The following IKBKB-DT variants were observed in gnomAD, a reference collection of about 807,000 sequenced individuals.
IKBKB-DT encodes IKBKB antisense RNA.
chr8:42,237,448 G>A (rs1806939505), intron 3 of IKBKB-DT, among the ~76,000 whole-genome samples: 1 of 152,040 alleles, frequency 6.6e-6, no homozygotes, highest in African/African-American at 2.4e-5. Flanking sequence ...ACTCTGAAAG[G>A]GAGGGGTATA....
rs1297905327 is a variant in IKBKB-DT, at chr8:42,254,485, G to A, written n.1529+8844C>T. Among the ~76,000 whole-genome samples, 2 of 149,280 alleles carry A rather than the reference G, an allele frequency of 1.3e-5. 1 individual carries two copies. Among genetic ancestry groups the A allele is most frequent in the South Asian group, 4.3e-4 (2 of 4,678 alleles). On this transcript the variant is annotated intron_variant and non_coding_transcript_variant, in intron 3 of 3. Coordinates refer to ENST00000518213, the Ensembl canonical transcript of IKBKB-DT. ...GCCCACCATCTGGGATGTGAGGAGT[G>A]CCTCTGCCCAGCTGCCAACCATCTG...
At chr8:42,246,639 T>C (rs1384441696) in intron 3 of IKBKB-DT, among the ~76,000 whole-genome samples, 3 of 152,200 alleles carry the variant, frequency 2.0e-5, no homozygotes, top group Non-Finnish European at 4.4e-5. Flanking sequence ...TTCTTGATCT[T>C]GTTGCATAAA....
chr8:42,245,125 C>T (rs990383900), intron 3 of IKBKB-DT, among the ~76,000 whole-genome samples: 12 of 151,770 alleles, frequency 7.9e-5, no homozygotes, highest in African/African-American at 2.9e-4. Flanking sequence ...CGTGGTGGCA[C>T]GTGCCTGCAG....
chr8:42,269,560 C>CGGGAA (rs1018541867), intron 1 of IKBKB-DT, among the ~76,000 whole-genome samples: 5 of 92,608 alleles, frequency 5.4e-5, no homozygotes, highest in East Asian at 7.5e-4. Context: ...ACCAAGTAGC[C>CGGGAA]GGGAAGGGAA....
rs190918949 is a variant in IKBKB-DT, at chr8:42,247,703, C to T, written n.1530-13844G>A. 9.9e-5 allele frequency among the ~76,000 whole-genome samples: 15 copies of T among 152,282 alleles called. No homozygotes were observed. In the East Asian group the frequency reaches 2.9e-3, roughly 29 times the overall value. On this transcript the variant is annotated intron_variant and non_coding_transcript_variant, in intron 3 of 3. Transcript: ENST00000518213. ...GGATCATGGGGGCAGTTTCCTCATG[C>T]TGTTCCCATGATAGTGAGGGAGTTC...
At position 42,264,010 on chromosome 8, in the gene IKBKB-DT, C is replaced by A. The variant is rs183228563; in HGVS notation, n.1386-538G>T. ...TATTTTTAGTAGAGATGGGGTTTCA[C>A]CATGTTGGCCAGGCTGGTTTCGAAC... On this transcript the variant is annotated intron_variant and non_coding_transcript_variant, in intron 2 of 3. Transcript: ENST00000518213. Among the ~76,000 whole-genome samples, 75 of 151,946 alleles carry A rather than the reference C, an allele frequency of 4.9e-4. 1 individual carries two copies. In the East Asian group the frequency reaches 0.013, roughly 27 times the overall value.
chr8:42,245,869 G>T (rs1807057688), intron 3 of IKBKB-DT, among the ~76,000 whole-genome samples: 2 of 152,142 alleles, frequency 1.3e-5, no homozygotes, highest in African/African-American at 4.8e-5. Flanking sequence ...GATGTTTACT[G>T]CAGATACACG....
chr8:42,268,125 A>T (rs1053016868), intron 1 of IKBKB-DT, among the ~76,000 whole-genome samples: 7 of 147,974 alleles, frequency 4.7e-5, no homozygotes, highest in African/African-American at 1.8e-4. Flanking sequence ...ATAGGTGCTC[A>T]ATAATTTTTT....
chr8:42,240,120 C>T (rs1010552815), intron 3 of IKBKB-DT, among the ~76,000 whole-genome samples: 3 of 151,948 alleles, frequency 2.0e-5, no homozygotes, highest in Non-Finnish European at 4.4e-5. Flanking sequence ...AACTATGATA[C>T]AGCCTCTAGA....
rs139626085 is a variant in IKBKB-DT, at chr8:42,268,041, A to G, written n.604-1645T>C. ...TAAGTTTCTCAGGACAGTGTTTTTC[A>G]GAGATGACAGGATTAAAGAGAAACC... On this transcript the variant is annotated intron_variant and non_coding_transcript_variant, in intron 1 of 3. Coordinates refer to ENST00000518213, the Ensembl canonical transcript of IKBKB-DT. 6.6e-5 allele frequency among the ~76,000 whole-genome samples: 10 copies of G among 152,302 alleles called. No individual in the cohort carries two copies. The East Asian group carries it at 1.7e-3, about 26-fold the overall frequency.
In IKBKB-DT at chr8:42,241,217, T is replaced by C. The variant is rs941826685; in HGVS notation, n.1530-7358A>G. ...CCAACAGTTGATGCCTTTAGATATGTTGGAATCTTTTTTTTTTTTTTTTTT... is the reference window on the plus strand; with the variant it reads ...CCAACAGTTGATGCCTTTAGATATGCTGGAATCTTTTTTTTTTTTTTTTTT... On this transcript the variant is annotated intron_variant and non_coding_transcript_variant, in intron 3 of 3. Coordinates refer to ENST00000518213, the Ensembl canonical transcript of IKBKB-DT. Among the ~76,000 whole-genome samples the C allele has an allele frequency of 2.8e-5, 4 of 145,384 alleles. No individual in the cohort carries two copies. The Admixed American group carries it at 2.8e-4, about 10-fold the overall frequency.
At chr8:42,269,005 T>C (rs1807423626) in intron 1 of IKBKB-DT, among the ~76,000 whole-genome samples, 2 of 152,112 alleles carry the variant, frequency 1.3e-5, no homozygotes, top group Admixed American at 6.6e-5. Context: ...GAGCTTGCCA[T>C]TTAGCTGGGA....
chr8:42,238,436 T>G (rs903332017), intron 3 of IKBKB-DT, among the ~76,000 whole-genome samples: 4 of 152,124 alleles, frequency 2.6e-5, no homozygotes, highest in African/African-American at 9.7e-5. Context: ...ACTGACCCCC[T>G]CCTTGTTCAG....
At chr8:42,261,758 C>T (rs1807291895) in intron 3 of IKBKB-DT, among the ~76,000 whole-genome samples, 1 of 152,220 alleles carries the variant, frequency 6.6e-6, no homozygotes, top group South Asian at 2.1e-4. Flanking sequence ...TCTCTTTGAA[C>T]TAGATTCTGA....
intron 3 of IKBKB-DT, among the ~76,000 whole-genome samples, chr8:42,240,840 T>G (rs970062661): frequency 5.9e-5 from 9 of 151,884 alleles, no homozygotes; most frequent in Non-Finnish European, 1.3e-4. Context: ...CCAGGCATGG[T>G]GGCACACACC....
intron 3 of IKBKB-DT, among the ~76,000 whole-genome samples, chr8:42,258,782 C>G (rs1230534072): frequency 6.6e-6 from 1 of 151,898 alleles, no homozygotes; most frequent in Non-Finnish European, 1.5e-5. Context: ...CATACCTTGT[C>G]TTACAGAAAT....
rs181522799 is a variant in IKBKB-DT, at chr8:42,246,780, C to T, written n.1530-12921G>A. 1.6e-4 allele frequency among the ~76,000 whole-genome samples: 25 copies of T among 152,294 alleles called. No individual in the cohort carries two copies. The East Asian group carries it at 4.8e-3, about 29-fold the overall frequency. On this transcript the variant is annotated intron_variant and non_coding_transcript_variant, in intron 3 of 3. Transcript: ENST00000518213. ...GGGACTGGTTTCTTATAGCAGCAGT[C>T]CCTAAACTTTTCGGCACCAGGGACC...
chr8:42,257,745 G>A (rs774950559), intron 3 of IKBKB-DT, among the ~76,000 whole-genome samples: 4 of 152,012 alleles, frequency 2.6e-5, no homozygotes, highest in Non-Finnish European at 5.9e-5. Flanking sequence ...ATCAGCCTGG[G>A]CAGCATAGGA....
At chr8:42,235,442 T>C (rs1441479273) in intron 3 of IKBKB-DT, among the ~76,000 whole-genome samples, 1 of 152,110 alleles carries the variant, frequency 6.6e-6, no homozygotes, top group Admixed American at 6.6e-5. Flanking sequence ...TGGCCTCAAG[T>C]GATCTGCCCA....
Sources: allele counts gnomAD v4.1 joint callset (sites outside exome capture counted in the v4.1 genomes callset), GRCh38; gene constraint gnomAD v4.1.1; transcripts MANE v1.5; gene names NCBI Gene and HGNC (gene_info 2026-07-23, HGNC 2026-07-21).